The following SORCS1 variants were observed in gnomAD, a reference collection of about 807,000 sequenced individuals.
SORCS1 encodes the protein VPS10 domain-containing receptor SorCS1.
A neutral mutation model predicts 146.1 loss-of-function variants in SORCS1; 60 were observed. The observed-to-expected ratio is 0.41, with a 90% CI of 0.33 to 0.51. The LOEUF (loss-of-function observed/expected upper bound fraction) is 0.51, where lower values mean the gene tolerates loss of function less well. SORCS1 is among the 20% of genes least tolerant of loss of function. SORCS1 has a pLI of 0.21. For synonymous variants in SORCS1, 637 were observed against 584.0 expected (o/e 1.09, Z -1.31); for missense variants, 1,352 against 1,487.6 (o/e 0.91, Z 1.50).
At chr10:106,854,098 A>C (rs1949694499) in intron 2 of SORCS1, among the ~76,000 whole-genome samples, 2 of 151,872 alleles carry the variant, frequency 1.3e-5, no homozygotes, top group African/African-American at 4.8e-5. Context: ...TTGCAGTTCT[A>C]ATCAGTTTTT....
rs765355110 is a variant in SORCS1 at position 106,944,874 on chromosome 10, CTTTTTTT to C, written c.626+11632_626+11638del. Among the ~76,000 whole-genome samples the C allele has an allele frequency of 2.9e-3, 105 of 36,598 alleles. 2 individuals carry two copies. Among genetic ancestry groups the C allele is most frequent in the African/African-American group, 9.2e-3 (92 of 9,984 alleles). The allele number at this position is 36,598 out of a possible 152,430, so 24.0% of individuals were successfully genotyped here. A position where few individuals can be genotyped will look rare whatever the true frequency, so the allele number is the denominator to read the frequency against. On this transcript the variant is annotated intron_variant, in intron 2 of 25. Transcript: ENST00000263054. ...GTAGAAAGAAGCAAGAAAGAGCCTT[CTTTTTTT>C]TTTTTTTTTTTTTTTTTTTTTGGAG...
At chr10:106,985,093 AG>A (rs1384554207) in intron 1 of SORCS1, among the ~76,000 whole-genome samples, 2 of 152,172 alleles carry the variant, frequency 1.3e-5, no homozygotes, top group African/African-American at 4.8e-5. Flanking sequence ...AGGCTGAGGA[AG>A]GAGAATCGCT....
At chr10:106,811,876 G>T (rs1307756824) in intron 3 of SORCS1, among the ~76,000 whole-genome samples, 1 of 152,144 alleles carries the variant, frequency 6.6e-6, no homozygotes, top group African/African-American at 2.4e-5. Flanking sequence ...AAATCTCCAG[G>T]TTGCCACATC....
chr10:106,696,760 C>A (rs1853734671), intron 9 of SORCS1, among the ~76,000 whole-genome samples: 1 of 152,160 alleles, frequency 6.6e-6, no homozygotes, highest in African/African-American at 2.4e-5. Context: ...AAAATAGCTG[C>A]AAACAACAAG....
intron 5 of SORCS1, among the ~76,000 whole-genome samples, chr10:106,739,489 A>T (rs1857200610): frequency 6.7e-6 from 1 of 150,292 alleles, no homozygotes; most frequent in South Asian, 2.1e-4. Flanking sequence ...ACTGTCTCAA[A>T]AAGAAAAAAA....
At chr10:107,143,129 G>A (rs768964769) in intron 1 of SORCS1, among the ~76,000 whole-genome samples, 22 of 152,142 alleles carry the variant, frequency 1.4e-4, no homozygotes, top group Non-Finnish European at 2.9e-4. Context: ...CGGTATCCAT[G>A]GTCAGGCACT....
intron 2 of SORCS1, among the ~76,000 whole-genome samples, chr10:106,901,327 T>C (rs1345983491): frequency 1.3e-5 from 2 of 152,200 alleles, no homozygotes; most frequent in Non-Finnish European, 2.9e-5. Context: ...AAACCAGACA[T>C]GGTAGAAAGC....
intron 3 of SORCS1, among the ~76,000 whole-genome samples, chr10:106,787,201 T>C (rs1339942630): frequency 6.6e-6 from 1 of 152,180 alleles, no homozygotes; most frequent in East Asian, 1.9e-4. Context: ...AGCAAAGTAG[T>C]CCTTGCTCTT....
At chr10:107,026,523 CA>C (rs965823711) in intron 1 of SORCS1, among the ~76,000 whole-genome samples, 3 of 151,374 alleles carry the variant, frequency 2.0e-5, no homozygotes, top group Non-Finnish European at 2.9e-5. Flanking sequence ...CAGGCTGAGG[CA>C]GGAGAATGGC....
At chr10:107,140,908 A>G (rs1190047004) in intron 1 of SORCS1, among the ~76,000 whole-genome samples, 1 of 152,194 alleles carries the variant, frequency 6.6e-6, no homozygotes, top group East Asian at 1.9e-4. Context: ...ATATTTCCCG[A>G]CTGGTAAACG....
rs941838596 is a variant in SORCS1 at position 106,574,185 on chromosome 10, A to G, written c.*3235T>C. 7 of 152,420 alleles carry G rather than the reference A, an allele frequency of 4.6e-5. No individual in the cohort carries two copies. Among genetic ancestry groups the G allele is most frequent in the African/African-American group, 1.7e-4 (7 of 41,376 alleles). 9.4% of individuals were successfully genotyped at this position (152,420 alleles called of 1,614,324 possible). A position where few individuals can be genotyped will look rare whatever the true frequency, so the allele number is the denominator to read the frequency against. On this transcript the variant is annotated 3_prime_UTR_variant, in exon 26 of 26. Transcript: ENST00000263054. ...TCAAAGTTGCTGTTTGGAACTTCTG[A>G]AAAAAAAGCAAAGCAAACCTCTGCA...
intron 2 of SORCS1, among the ~76,000 whole-genome samples, chr10:106,832,769 A>G (rs1255079604): frequency 6.6e-6 from 1 of 152,198 alleles, no homozygotes; most frequent in Non-Finnish European, 1.5e-5. Context: ...GAAATCGGTA[A>G]GACTACATGA....
intron 1 of SORCS1, among the ~76,000 whole-genome samples, chr10:107,151,243 T>C (rs997814250): frequency 6.6e-6 from 1 of 152,124 alleles, no homozygotes; most frequent in African/African-American, 2.4e-5. Context: ...TATAAACTAG[T>C]TGAATGGCTT....
At chr10:107,047,409 A>G (rs528912948) in intron 1 of SORCS1, among the ~76,000 whole-genome samples, 45 of 152,226 alleles carry the variant, frequency 3.0e-4, no homozygotes, top group African/African-American at 1.1e-3. Context: ...CCACTTTAAG[A>G]TTGTCTGTAC....
chr10:106,682,126 T>C, intron 10 of SORCS1, among the ~76,000 whole-genome samples: 1 of 152,058 alleles, frequency 6.6e-6, no homozygotes, highest in Non-Finnish European at 1.5e-5. Flanking sequence ...AGACTCCATC[T>C]CTAATACAAA....
chr10:106,606,901 C>T (rs552980933), intron 23 of SORCS1, among the ~76,000 whole-genome samples: 1 of 152,306 alleles, frequency 6.6e-6, no homozygotes, highest in Non-Finnish European at 1.5e-5. Context: ...TCCCCTTCCG[C>T]CATGATTGTA....
intron 23 of SORCS1, chr10:106,600,735 C>G: frequency 1.0e-6 from 1 of 984,754 alleles, no homozygotes; most frequent in Non-Finnish European, 1.2e-6. Flanking sequence ...AAAGGAAATA[C>G]CAAAGTTTAT....
rs143914023 is a variant in SORCS1 at position 106,672,912 on chromosome 10, G to A, written c.2014C>T (p.Arg672Trp). 3.8e-5 allele frequency: 62 copies of A among 1,613,922 alleles called. No individual in the cohort carries two copies. Among genetic ancestry groups the A allele is most frequent in the Non-Finnish European group, 4.6e-5 (54 of 1,180,002 alleles). Reference sequence around the variant, plus strand: ...GGTCTGTAGTCCTCTTCGGCACACCGTCTATCAAAAATGGACTTGTAATCT... The same window carrying A: ...GGTCTGTAGTCCTCTTCGGCACACCATCTATCAAAAATGGACTTGTAATCT... ...KVDYKSIFDR[R>W]CAEEDYRPWQ... The change falls in exon 15 of 26, where the codon CGG becomes TGG. Residue 672 changes from arginine (R) to tryptophan (W), a missense_variant. This residue lies in a region of SORCS1 where 648 missense variants were observed against 793.8 expected (regional missense o/e 0.82). Transcript: ENST00000263054.
chr10:107,005,942 T>C (rs185488940), intron 1 of SORCS1, among the ~76,000 whole-genome samples: 1 of 152,330 alleles, frequency 6.6e-6, no homozygotes, highest in African/African-American at 2.4e-5. Flanking sequence ...ATTATATCAA[T>C]TGCCCATTCT....
Sources: gnomAD v4.1 joint callset for allele counts (sites outside exome capture counted in the v4.1 genomes callset) on GRCh38, gnomAD v4.1.1 for gene constraint, gnomAD v4.1.1 regional missense constraint, MANE v1.5 for transcripts, NCBI Gene and HGNC (gene_info 2026-07-23, HGNC 2026-07-21) for gene names.